Variants in CTIF observed in about 807,000 individuals in gnomAD.
CTIF encodes CBP80/20-dependent translation initiation factor.
Under a neutral mutation model 66.0 loss-of-function variants are expected in CTIF, and 21 were observed. The ratio of observed to expected loss-of-function variants is 0.32; its 90% CI spans 0.23 to 0.46. The LOEUF (loss-of-function observed/expected upper bound fraction) is 0.46, where lower values mean the gene tolerates loss of function less well. Ranked by LOEUF, CTIF falls within the 20% of genes least tolerant of loss-of-function variation. The pLI is 1.00. For synonymous variants in CTIF, 345 were observed against 326.4 expected (o/e 1.06, Z -0.62); for missense variants, 739 against 812.7 (o/e 0.91, Z 1.10).
chr18:48,654,985 C>A (rs2091220522), intron 3 of CTIF, among the ~76,000 whole-genome samples: 3 of 151,266 alleles, frequency 2.0e-5, no homozygotes, highest in African/African-American at 4.9e-5. Flanking sequence ...GGGTGGGGGG[C>A]AGGGGGAGAG....
intron 6 of CTIF, among the ~76,000 whole-genome samples, chr18:48,707,514 TCTC>T (rs1043867105): frequency 1.1e-4 from 16 of 152,154 alleles, no homozygotes; most frequent in African/African-American, 3.4e-4. Flanking sequence ...TGATTGATCT[TCTC>T]TTCTTCTCCT....
intron 9 of CTIF, among the ~76,000 whole-genome samples, chr18:48,810,916 C>A (rs1398627300): frequency 6.6e-6 from 1 of 151,302 alleles, no homozygotes; most frequent in Admixed American, 6.6e-5. Context: ...TTGTTTTTAC[C>A]CATCCATTTA....
In CTIF at chr18:48,823,527, G is replaced by GT. The variant is rs2068524825; in HGVS notation, c.1527+6155dup. On this transcript the variant is annotated intron_variant, in intron 10 of 11. Coordinates refer to ENST00000256413, the MANE Select transcript of CTIF (RefSeq NM_014772.3). ...TTTTGTTTCATTGGTCTATATGCCT[G>GT]TTTTCATACCAGTACCATACTGTTT... 2.0e-5 allele frequency among the ~76,000 whole-genome samples: 3 copies of GT among 152,178 alleles called. No individual in the cohort carries two copies. The East Asian group carries it at 5.8e-4, about 29-fold the overall frequency.
chr18:48,838,502 C>G (rs2068863609), intron 10 of CTIF, among the ~76,000 whole-genome samples: 2 of 152,170 alleles, frequency 1.3e-5, no homozygotes, highest in Non-Finnish European at 2.9e-5. Flanking sequence ...GTCCGCCCCC[C>G]TGAAACGAGT....
intron 10 of CTIF, among the ~76,000 whole-genome samples, chr18:48,821,901 A>T (rs1168368713): frequency 1.3e-5 from 2 of 152,236 alleles, no homozygotes; most frequent in Non-Finnish European, 2.9e-5. Flanking sequence ...TATTGTATCC[A>T]TAGCCATAAT....
intron 10 of CTIF, among the ~76,000 whole-genome samples, chr18:48,832,696 C>T (rs566033115): frequency 1.7e-4 from 26 of 152,296 alleles, no homozygotes; most frequent in African/African-American, 6.0e-4. Flanking sequence ...AGACCTTCTC[C>T]CTTACTCAGA....
At chr18:48,797,857 G>T (rs142930630) in intron 9 of CTIF, among the ~76,000 whole-genome samples, 41 of 152,214 alleles carry the variant, frequency 2.7e-4, no homozygotes, top group African/African-American at 9.6e-4. Flanking sequence ...AAGGCCGAGT[G>T]ACTTGCCCAA....
chr18:48,798,622 G>A (rs1037143218), intron 9 of CTIF, among the ~76,000 whole-genome samples: 3 of 152,194 alleles, frequency 2.0e-5, no homozygotes. Context: ...GTTTCGGGGT[G>A]CACCCCCACC....
chr18:48,795,989 G>C (rs1285045043), intron 9 of CTIF, among the ~76,000 whole-genome samples: 1 of 152,040 alleles, frequency 6.6e-6, no homozygotes, highest in Non-Finnish European at 1.5e-5. Flanking sequence ...CAAATGCCCA[G>C]GTGTTGGTTG....
chr18:48,648,488 C>CACACACACAT (rs59085443), intron 3 of CTIF, among the ~76,000 whole-genome samples: 1 of 150,704 alleles, frequency 6.6e-6, no homozygotes. Flanking sequence ...CACACACACA[C>CACACACACAT]GCACACACAC....
rs760328323 is a variant in CTIF at position 48,758,410 on chromosome 18, C to T, written c.1071+5C>T. 24 of 1,566,338 alleles carry T rather than the reference C, an allele frequency of 1.5e-5. No individual in the cohort carries two copies. The highest frequency in any genetic ancestry group is 1.7e-4 in the Middle Eastern group (1 of 5,820). ...CGGCGAAGGCTAAAGGAAAAGGTAC[C>T]GGTAATTGAATTTTTGTTCTTCTCT... On this transcript the variant is annotated splice_donor_5th_base_variant and intron_variant, in intron 8 of 11. Transcript: ENST00000256413.
intron 1 of CTIF, among the ~76,000 whole-genome samples, chr18:48,570,589 G>A (rs1204507558): frequency 6.6e-6 from 1 of 152,188 alleles, no homozygotes; most frequent in African/African-American, 2.4e-5. Flanking sequence ...CCTGGGGGGT[G>A]GGGGGAGCAG....
At chr18:48,634,245 C>A (rs914402525) in intron 2 of CTIF, among the ~76,000 whole-genome samples, 1 of 152,152 alleles carries the variant, frequency 6.6e-6, no homozygotes, top group East Asian at 1.9e-4. Flanking sequence ...ATGCACCACA[C>A]TGGGGAGTCC....
chr18:48,662,578 C>T (rs980989441), intron 3 of CTIF: 1 of 151,282 alleles, frequency 6.6e-6, no homozygotes, highest in Admixed American at 6.6e-5. Context: ...AGTGCCTGGC[C>T]CCTTCTGCTT....
intron 9 of CTIF, among the ~76,000 whole-genome samples, chr18:48,792,298 CAG>C (rs936486350): frequency 6.2e-5 from 9 of 145,994 alleles, no homozygotes; most frequent in Non-Finnish European, 1.2e-4. Flanking sequence ...AAGTCCAGGT[CAG>C]GGGGGTGGGT....
chr18:48,689,692 C>G (rs910179306), intron 6 of CTIF, among the ~76,000 whole-genome samples: 1 of 152,178 alleles, frequency 6.6e-6, no homozygotes, highest in Non-Finnish European at 1.5e-5. Context: ...CGCAGATGAG[C>G]TGAATTCTCA....
At chr18:48,770,839 A>G (rs541270551) in intron 9 of CTIF, among the ~76,000 whole-genome samples, 54 of 152,328 alleles carry the variant, frequency 3.5e-4, no homozygotes, top group African/African-American at 7.5e-4. Context: ...GAGGTAATGC[A>G]TGCACGGACC....
chr18:48,812,987 C>G (rs1157570848), intron 9 of CTIF, among the ~76,000 whole-genome samples: 1 of 150,024 alleles, frequency 6.7e-6, no homozygotes, highest in African/African-American at 2.5e-5. Context: ...CACTCTCTAT[C>G]TTCTCTATCG....
In CTIF at chr18:48,663,756, G is replaced by T; in HGVS notation, c.257G>T (p.Gly86Val). 1 of 1,614,052 alleles carries T rather than the reference G, an allele frequency of 6.2e-7. No individual in the cohort carries two copies. The change falls in exon 4 of 12, where the codon GGC becomes GTC. Residue 86 changes from glycine (G) to valine (V), a missense_variant. This residue lies in a region of CTIF where 529 missense variants were observed against 520.3 expected (regional missense o/e 1.02). Coordinates refer to ENST00000256413, the MANE Select transcript of CTIF (RefSeq NM_014772.3). Reference protein sequence around the residue: ...SRGRAPPQQNGSKDNSLDMLG... With the variant: ...SRGRAPPQQNVSKDNSLDMLG... Reference sequence around the variant, plus strand: ...TTTCACCCCCATCTCTTCCAGAATGGCAGCAAAGACAACTCTCTGGACATG... The same window carrying T: ...TTTCACCCCCATCTCTTCCAGAATGTCAGCAAAGACAACTCTCTGGACATG...
Sources: allele counts gnomAD v4.1 joint callset (sites outside exome capture counted in the v4.1 genomes callset), GRCh38; gene constraint gnomAD v4.1.1; regional missense constraint gnomAD v4.1.1; transcripts MANE v1.5; gene names NCBI Gene and HGNC (gene_info 2026-07-23, HGNC 2026-07-21).